The following PPP2R5A variants were observed in gnomAD, a reference collection of about 807,000 sequenced individuals.
PPP2R5A encodes the protein protein phosphatase 2 regulatory subunit B'alpha.
A neutral mutation model predicts 64.2 loss-of-function variants in PPP2R5A; 25 were observed. The observed-to-expected ratio is 0.39, with a 90% CI of 0.28 to 0.54. PPP2R5A has a LOEUF of 0.54. Ranked by LOEUF, PPP2R5A falls within the 20% of genes least tolerant of loss-of-function variation. PPP2R5A has a pLI of 0.67. For synonymous variants in PPP2R5A, 198 were observed against 201.2 expected (o/e 0.98, Z 0.13); for missense variants, 425 against 576.3 (o/e 0.74, Z 2.69).
At chr1:212,351,130 C>G (rs989610703) in intron 8 of PPP2R5A, among the ~76,000 whole-genome samples, 7 of 150,576 alleles carry the variant, frequency 4.6e-5, no homozygotes, top group African/African-American at 1.7e-4. Flanking sequence ...AACAAAAAAC[C>G]TTGACGATTA....
chr1:212,326,828 A>G (rs1659415238), intron 1 of PPP2R5A, among the ~76,000 whole-genome samples: 1 of 152,200 alleles, frequency 6.6e-6, no homozygotes, highest in Admixed American at 6.5e-5. Flanking sequence ...AGCAAATTCA[A>G]GTCTTCATAT....
At chr1:212,288,116 A>C (rs1658538901) in intron 1 of PPP2R5A, among the ~76,000 whole-genome samples, 2 of 152,172 alleles carry the variant, frequency 1.3e-5, no homozygotes, top group African/African-American at 4.8e-5. Context: ...TCCCGGGTTC[A>C]AACAATTCTT....
intron 1 of PPP2R5A, among the ~76,000 whole-genome samples, chr1:212,287,611 C>A (rs1658526778): frequency 6.6e-6 from 1 of 152,174 alleles, no homozygotes; most frequent in Non-Finnish European, 1.5e-5. Context: ...TTAGTCTGTG[C>A]TATCGAATTT....
In PPP2R5A at chr1:212,285,891, G is replaced by A. The variant is rs1331244395; in HGVS notation, c.-220G>A. The A allele has an allele frequency of 1.5e-5, 6 of 412,054 alleles. No individual in the cohort carries two copies. The highest frequency in any genetic ancestry group is 1.4e-4 in the Admixed American group (3 of 21,788). The allele number at this position is 412,054 out of a possible 1,614,324, so 25.5% of individuals were successfully genotyped here. On this transcript the variant is annotated 5_prime_UTR_variant, in exon 1 of 13. Coordinates refer to ENST00000261461, the MANE Select transcript of PPP2R5A (RefSeq NM_006243.4). ...CCTCCGTCAGCCCCGGGAGCTCGCC[G>A]CGCGCCGGGGACCAGGAACCTCCAG...
intron 1 of PPP2R5A, among the ~76,000 whole-genome samples, chr1:212,286,593 G>T (rs1351480896): frequency 2.6e-5 from 4 of 152,206 alleles, no homozygotes; most frequent in Admixed American, 2.0e-4. Flanking sequence ...TGCGTCCCGT[G>T]AAGTAGAGTC....
At chr1:212,304,537 G>A (rs1355184880) in intron 1 of PPP2R5A, among the ~76,000 whole-genome samples, 5 of 151,816 alleles carry the variant, frequency 3.3e-5, no homozygotes, top group African/African-American at 4.8e-5. Flanking sequence ...CAACAAGAGC[G>A]AAACTCCATT....
chr1:212,305,197 T>C (rs933224912), intron 1 of PPP2R5A, among the ~76,000 whole-genome samples: 1 of 151,644 alleles, frequency 6.6e-6, no homozygotes, highest in Non-Finnish European at 1.5e-5. Flanking sequence ...CTACCACGCC[T>C]GGCTAATGTT....
chr1:212,358,708 A>T lies in PPP2R5A; in HGVS notation c.1249A>T (p.Asn417Tyr). Residue 417 changes from asparagine to tyrosine, a missense_variant, in exon 12 of 13, where the codon AAT becomes TAT. By Grantham distance (143) the Asn-to-Tyr change is moderately radical. Coordinates refer to ENST00000261461, the MANE Select transcript of PPP2R5A (RefSeq NM_006243.4). ...CAGGACCATTGTAGCACTGGTATAC[A>T]ATGTGCTGAAAACCCTAATGGAAAT... is the stretch of plus-strand genomic sequence containing the variant. ...WNPTIVALVY[N>Y]VLKTLMEMNG... 1 of 1,613,432 alleles carries T rather than the reference A, an allele frequency of 6.2e-7. No individual in the cohort carries two copies. Among genetic ancestry groups the T allele is most frequent in the Non-Finnish European group, 8.5e-7 (1 of 1,179,550 alleles).
intron 1 of PPP2R5A, among the ~76,000 whole-genome samples, chr1:212,287,752 G>A (rs1369036589): frequency 6.6e-6 from 1 of 152,066 alleles, no homozygotes; most frequent in Non-Finnish European, 1.5e-5. Context: ...TATCGTCTTT[G>A]CTATTCATAG....
In PPP2R5A at chr1:212,329,275, G is replaced by T. The variant is rs1659459467; in HGVS notation, c.322G>T (p.Val108Phe). The T allele has an allele frequency of 6.2e-7, 1 of 1,610,586 alleles. No individual in the cohort carries two copies. The change falls in exon 2 of 13, where the codon GTT becomes TTT. Residue 108 changes from valine to phenylalanine, a missense_variant. By Grantham distance (50) the Val-to-Phe change is conservative (BLOSUM62 -1). Transcript: ENST00000261461. Reference protein sequence around the residue: ...RATLNELVEYVSTNRGVIVES... With the variant: ...RATLNELVEYFSTNRGVIVES... ...AACACTGAATGAACTGGTTGAGTATGTTTCAACTAATCGTGGTGTAATTGT... is the reference window on the plus strand; with the variant it reads ...AACACTGAATGAACTGGTTGAGTATTTTTCAACTAATCGTGGTGTAATTGT...
At chr1:212,334,724 G>A (rs1394372094) in intron 3 of PPP2R5A, among the ~76,000 whole-genome samples, 2 of 151,940 alleles carry the variant, frequency 1.3e-5, no homozygotes, top group Non-Finnish European at 2.9e-5. Context: ...GTCTTCTTAC[G>A]TCCATGGTTT....
chr1:212,295,066 C>A (rs1002673877), intron 1 of PPP2R5A, among the ~76,000 whole-genome samples: 15 of 152,162 alleles, frequency 9.9e-5, no homozygotes, highest in African/African-American at 3.4e-4. Context: ...AGAAGTGGAA[C>A]AGCATTTAGG....
intron 3 of PPP2R5A, among the ~76,000 whole-genome samples, chr1:212,339,032 T>G (rs1386705131): frequency 6.6e-6 from 1 of 152,176 alleles, no homozygotes; most frequent in Non-Finnish European, 1.5e-5. Context: ...TTTTTTAAAA[T>G]GTAGGATGGA....
chr1:212,321,198 C>G (rs1440568783), intron 1 of PPP2R5A, among the ~76,000 whole-genome samples: 2 of 147,096 alleles, frequency 1.4e-5, no homozygotes, highest in Non-Finnish European at 3.0e-5. Context: ...GGGGCTGACC[C>G]CCCCACATCC....
intron 1 of PPP2R5A, among the ~76,000 whole-genome samples, chr1:212,321,493 G>T (rs563758734): frequency 6.8e-6 from 1 of 146,908 alleles, no homozygotes; most frequent in Non-Finnish European, 1.5e-5. Context: ...CGGGCGGAGG[G>T]GCTCCTCACT....
At chr1:212,358,473 A>C (rs1259293916) in intron 11 of PPP2R5A, 1 of 330,346 alleles carries the variant, frequency 3.0e-6, no homozygotes, top group Non-Finnish European at 5.6e-6. Flanking sequence ...AAGCATGATA[A>C]AATGGAAAAG....
chr1:212,349,159 AATATTT>A (rs1264110011), intron 7 of PPP2R5A, 24 bp from the exon 8 acceptor site: 1 of 1,411,598 alleles, frequency 7.1e-7, no homozygotes, highest in Non-Finnish European at 9.6e-7. Context: ...TTATCTCACT[AATATTT>A]ATAAACTGTC....
At chr1:212,333,723 ATCT>A in intron 3 of PPP2R5A, 125 bp downstream of exon 3, 1 of 501,458 alleles carries the variant, frequency 2.0e-6, no homozygotes, top group Non-Finnish European at 3.5e-6. Context: ...TATTAACATT[ATCT>A]TCTTTCATGC....
chr1:212,290,472 A>G (rs2102409333), intron 1 of PPP2R5A, among the ~76,000 whole-genome samples: 1 of 152,306 alleles, frequency 6.6e-6, no homozygotes. Flanking sequence ...CATTTTAGTC[A>G]TTTTAGGACT....
Sources: gnomAD v4.1 joint callset for allele counts (sites outside exome capture counted in the v4.1 genomes callset) on GRCh38, gnomAD v4.1.1 for gene constraint, MANE v1.5 for transcripts, NCBI Gene and HGNC (gene_info 2026-07-23, HGNC 2026-07-21) for gene names.